The following GRM8 variants were observed in gnomAD, a reference collection of about 807,000 sequenced individuals.
GRM8 encodes metabotropic glutamate receptor 8.
A neutral mutation model predicts 87.2 loss-of-function variants in GRM8; 47 were observed. The observed-to-expected ratio is 0.54, with a 90% CI of 0.43 to 0.69. GRM8 has a LOEUF of 0.69. Among genes scored for constraint, GRM8 ranks in the 30% least tolerant of loss-of-function variants. The pLI is 0.00. For synonymous variants in GRM8, 396 were observed against 404.5 expected, an observed-to-expected ratio of 0.98 and a Z score of 0.25; for missense variants, 1,019 against 1,139.2, an observed-to-expected ratio of 0.89 and a Z score of 1.52.
At chr7:126,718,325 TA>T (rs889803248) in intron 7 of GRM8, among the ~76,000 whole-genome samples, 4 of 152,084 alleles carry the variant, frequency 2.6e-5, no homozygotes, top group African/African-American at 9.7e-5. Flanking sequence ...ATTAGGAGGT[TA>T]AAAAAATGCG....
intron 2 of GRM8, among the ~76,000 whole-genome samples, chr7:127,109,689 A>T (rs915380672): frequency 1.3e-5 from 2 of 152,144 alleles, no homozygotes; most frequent in Non-Finnish European, 2.9e-5. Context: ...TGATCCTCTC[A>T]AGACCAAGCA....
At chr7:126,992,795 ATC>A (rs1172641336) in intron 3 of GRM8, among the ~76,000 whole-genome samples, 1 of 150,326 alleles carries the variant, frequency 6.7e-6, no homozygotes, top group Non-Finnish European at 1.5e-5. Context: ...AGAGCGTGCC[ATC>A]TCTCTCTCCG....
chr7:127,140,385 A>G (rs1056079733), intron 2 of GRM8, among the ~76,000 whole-genome samples: 1 of 152,174 alleles, frequency 6.6e-6, no homozygotes, highest in African/African-American at 2.4e-5. Context: ...CAGTTGAGAA[A>G]CACTGTTCTA....
At chr7:126,957,686 A>G (rs911770767) in intron 3 of GRM8, among the ~76,000 whole-genome samples, 1 of 152,200 alleles carries the variant, frequency 6.6e-6, no homozygotes, top group Non-Finnish European at 1.5e-5. Context: ...GACTTTGGGC[A>G]CCAACAAGCA....
chr7:126,533,016 G>T lies in GRM8; in HGVS notation c.2366C>A (p.Thr789Asn). Residue 789 changes from threonine to asparagine, a missense_variant, in exon 9 of 11, where the codon ACC (threonine) becomes AAC (asparagine). By Grantham distance (65) the Thr-to-Asn change is moderately conservative. Transcript: ENST00000339582. ...GAAAGCTAACCAAATGATGCAGGTG[G>T]TATACATGGTAAATCCAATAGGTTT... ...EAKPIGFTMY[T>N]TCIIWLAFIP... 6.2e-7 allele frequency: 1 copy of T among 1,613,410 alleles called. No individual in the cohort carries two copies. The highest frequency in any genetic ancestry group is 8.5e-7 in the Non-Finnish European group (1 of 1,179,740).
chr7:126,778,169 G>C (rs1819662133), intron 6 of GRM8, among the ~76,000 whole-genome samples: 1 of 152,124 alleles, frequency 6.6e-6, no homozygotes, highest in Non-Finnish European at 1.5e-5. Flanking sequence ...TAGAAGACAA[G>C]GGTCCTTTGC....
intron 6 of GRM8, among the ~76,000 whole-genome samples, chr7:126,811,752 G>C (rs1051490588): frequency 2.6e-5 from 4 of 151,972 alleles, no homozygotes; most frequent in Admixed American, 2.6e-4. Context: ...ATCAAATCTA[G>C]TTTTTTGGTA....
rs1166701638 is a variant in GRM8 at position 126,610,681 on chromosome 7, A to T, written c.1358-1183T>A. Among the ~76,000 whole-genome samples, 4 of 152,364 alleles carry T rather than the reference A, an allele frequency of 2.6e-5. No individual in the cohort carries two copies. The East Asian group carries it at 5.8e-4, about 22-fold the overall frequency. ...TTGTAAAATATTTAACTTATCAAAC[A>T]AATCGATGACTTTATCAAAAAAACA... On this transcript the variant is annotated intron_variant, in intron 7 of 10. Coordinates refer to ENST00000339582, the MANE Select transcript of GRM8 (RefSeq NM_000845.3).
At chr7:126,949,945 T>C (rs1386085078) in intron 3 of GRM8, among the ~76,000 whole-genome samples, 1 of 152,176 alleles carries the variant, frequency 6.6e-6, no homozygotes, top group Non-Finnish European at 1.5e-5. Flanking sequence ...CCTGTAGGCT[T>C]CTGTCGAGTA....
At chr7:127,242,245 C>T (rs17867803) in intron 2 of GRM8, among the ~76,000 whole-genome samples, 1,535 of 152,304 alleles carry the variant, frequency 0.01, 11 homozygotes, top group Non-Finnish European at 0.016. Context: ...ACTGTTTCTT[C>T]ATGAACAAAC....
chr7:126,929,491 TGGCGCGACCCC>T (rs1172289329), intron 3 of GRM8, among the ~76,000 whole-genome samples: 3 of 152,178 alleles, frequency 2.0e-5, no homozygotes, highest in African/African-American at 7.2e-5. Context: ...TGCAGTGCAG[TGGCGCGACCCC>T]GGCTCACTGC....
At chr7:126,743,295 T>G (rs755164849) in intron 7 of GRM8, among the ~76,000 whole-genome samples, 2 of 152,148 alleles carry the variant, frequency 1.3e-5, no homozygotes, top group Non-Finnish European at 2.9e-5. Context: ...TGTGCTATAA[T>G]GCAGATCCAG....
intron 2 of GRM8, among the ~76,000 whole-genome samples, chr7:127,239,195 A>G (rs1025055467): frequency 8.5e-5 from 13 of 152,192 alleles, no homozygotes; most frequent in African/African-American, 3.1e-4. Flanking sequence ...AAAGTTGTCC[A>G]AAAAAAGGAA....
intron 6 of GRM8, among the ~76,000 whole-genome samples, chr7:126,881,895 T>C (rs1396169716): frequency 6.6e-6 from 1 of 152,134 alleles, no homozygotes; most frequent in Non-Finnish European, 1.5e-5. Flanking sequence ...TGTATAAGTA[T>C]AAAACCTCTT....
At chr7:126,953,271 G>C (rs1808345239) in intron 3 of GRM8, among the ~76,000 whole-genome samples, 1 of 152,084 alleles carries the variant, frequency 6.6e-6, no homozygotes, top group African/African-American at 2.4e-5. Flanking sequence ...GGATACTTAT[G>C]ATGACTTAAG....
At chr7:126,481,878 G>A (rs10954117) in intron 9 of GRM8, among the ~76,000 whole-genome samples, 25,857 of 152,026 alleles carry the variant, frequency 0.17, 2,586 homozygotes, top group Non-Finnish European at 0.21. Context: ...CTGGGAGAAG[G>A]ACGAAGGAGA....
chr7:127,163,154 G>A (rs1334931554), intron 2 of GRM8, among the ~76,000 whole-genome samples: 1 of 152,118 alleles, frequency 6.6e-6, no homozygotes, highest in Non-Finnish European at 1.5e-5. Context: ...AAAGAAAAGA[G>A]GTTTAATTGG....
At chr7:126,863,224 A>G (rs183874232) in intron 6 of GRM8, among the ~76,000 whole-genome samples, 31 of 152,196 alleles carry the variant, frequency 2.0e-4, no homozygotes, top group African/African-American at 7.2e-4. Context: ...AATTATTTAG[A>G]AGTCCATTTT....
At chr7:126,468,020 A>G (rs1409353448) in intron 9 of GRM8, among the ~76,000 whole-genome samples, 15 of 152,074 alleles carry the variant, frequency 9.9e-5, no homozygotes, top group Admixed American at 9.8e-4. Flanking sequence ...TAAACCTTTT[A>G]TAACGATATC....
Sources: allele counts gnomAD v4.1 joint callset (sites outside exome capture counted in the v4.1 genomes callset), GRCh38; gene constraint gnomAD v4.1.1; transcripts MANE v1.5; gene names NCBI Gene and HGNC (gene_info 2026-07-23, HGNC 2026-07-21).